The following YAF2 variants were observed in gnomAD, a reference collection of about 807,000 sequenced individuals.
YAF2 encodes YY1 associated factor 2, also known as YY1-associated factor 2.
YAF2 carries 7 observed loss-of-function variants against 20.1 expected under a neutral mutation model. The observed-to-expected ratio is 0.35, with a 90% CI of 0.20 to 0.65. The LOEUF (loss-of-function observed/expected upper bound fraction) is 0.65. YAF2 is among the 30% of genes least tolerant of loss of function. The probability of loss-of-function intolerance (pLI) is 0.69; values close to 1 mark genes in which losing one functional copy is unlikely to be tolerated. For missense variants in YAF2, 151 were observed against 219.2 expected (o/e 0.69, Z 1.96); for synonymous variants, 74 against 76.0 (o/e 0.97, Z 0.14).
chr12:42,164,027 T>C (rs2065857068), intron 2 of YAF2, among the ~76,000 whole-genome samples: 1 of 152,246 alleles, frequency 6.6e-6, no homozygotes, highest in Admixed American at 6.5e-5. Context: ...TTCACAGATT[T>C]ATCACTCATG....
At chr12:42,161,532 G>T in intron 3 of YAF2, 81 bp downstream of exon 3, 1 of 1,412,822 alleles carries the variant, frequency 7.1e-7, no homozygotes, top group Non-Finnish European at 9.4e-7. Context: ...CTTCCACTTT[G>T]TGTATATTAG....
intron 2 of YAF2, among the ~76,000 whole-genome samples, chr12:42,192,530 C>T (rs985730207): frequency 6.6e-6 from 1 of 152,190 alleles, no homozygotes; most frequent in Admixed American, 6.5e-5. Flanking sequence ...AACAAAACAA[C>T]ACAACCTGGA....
At chr12:42,176,882 G>A (rs146293543) in intron 2 of YAF2, among the ~76,000 whole-genome samples, 4,464 of 152,152 alleles carry the variant, frequency 0.029, 244 homozygotes, top group African/African-American at 0.1. Context: ...CAGGAGAATC[G>A]CTTGAACCCA....
chr12:42,237,359 C>T (rs2068199549), intron 2 of YAF2: 1 of 1,182,436 alleles, frequency 8.5e-7, no homozygotes, highest in Non-Finnish European at 1.1e-6. Flanking sequence ...GCTAATGCCT[C>T]CCTTAAATAA....
At chr12:42,182,132 G>A (rs540745200) in intron 2 of YAF2, among the ~76,000 whole-genome samples, 15 of 151,964 alleles carry the variant, frequency 9.9e-5, no homozygotes, top group Non-Finnish European at 2.2e-4. Context: ...AAAAAAGAAG[G>A]TTAAAACTAC....
At chr12:42,164,919 GAA>G (rs1428732487) in intron 2 of YAF2, among the ~76,000 whole-genome samples, 2 of 151,840 alleles carry the variant, frequency 1.3e-5, no homozygotes, top group African/African-American at 4.8e-5. Flanking sequence ...AAAAAATACA[GAA>G]ATTGGCCAGT....
intron 2 of YAF2, chr12:42,212,477 T>C (rs758511113): frequency 2.0e-5 from 9 of 448,310 alleles, no homozygotes; most frequent in South Asian, 1.4e-4. Context: ...ATTTCATGAT[T>C]CTTCATTCTA....
chr12:42,194,219 C>G (rs1271503422), intron 2 of YAF2, among the ~76,000 whole-genome samples: 1 of 152,082 alleles, frequency 6.6e-6, no homozygotes, highest in African/African-American at 2.4e-5. Context: ...CCTAAGTGTA[C>G]AGTGTTTATA....
In YAF2 at chr12:42,159,651, T is replaced by G. The variant is rs947208373; in HGVS notation, c.*938A>C. ...CCCATTTCTGTGCAATAATTCCCAT[T>G]TCTGTTTTAATTAGATTCATACTTC... On this transcript the variant is annotated 3_prime_UTR_variant, in exon 4 of 4. Coordinates refer to ENST00000534854, the MANE Select transcript of YAF2 (RefSeq NM_005748.6). 6.6e-6 allele frequency: 1 copy of G among 152,190 alleles called. No homozygotes were observed. Among genetic ancestry groups the G allele is most frequent in the Non-Finnish European group, 1.5e-5 (1 of 67,928 alleles). 9.4% of individuals were successfully genotyped at this position (152,190 alleles called of 1,614,324 possible).
chr12:42,176,969 A>G (rs2066211275), intron 2 of YAF2, among the ~76,000 whole-genome samples: 1 of 152,208 alleles, frequency 6.6e-6, no homozygotes, highest in South Asian at 2.1e-4. Flanking sequence ...CTCTGTCTCA[A>G]AAAATAAATA....
rs780563600 is a variant in YAF2, at chr12:42,238,143, G to T, written c.26+12C>A. On this transcript the variant is annotated intron_variant, in intron 1 of 3. Coordinates refer to ENST00000534854, the MANE Select transcript of YAF2 (RefSeq NM_005748.6). ...CCGCACAGTCCGGGCCCCGGGGCCC[G>T]GGCGCTGTTACCTGGTGGGGCTCTT... is the stretch of plus-strand genomic sequence containing the variant. 3.2e-6 allele frequency: 5 copies of T among 1,539,496 alleles called. No individual in the cohort carries two copies. Among genetic ancestry groups the T allele is most frequent in the Non-Finnish European group, 4.4e-6 (5 of 1,144,822 alleles).
At chr12:42,216,879 T>A (rs966628855) in intron 2 of YAF2, among the ~76,000 whole-genome samples, 1 of 152,196 alleles carries the variant, frequency 6.6e-6, no homozygotes, top group East Asian at 1.9e-4. Context: ...TAAGCCAGAA[T>A]CCTGAGATTC....
intron 2 of YAF2, among the ~76,000 whole-genome samples, chr12:42,165,061 C>CAAAAAA (rs78729667): frequency 1.2e-4 from 8 of 64,536 alleles, no homozygotes; most frequent in Non-Finnish European, 1.6e-4. Flanking sequence ...TCTTCTGGAA[C>CAAAAAA]AAAAAAAAAA....
At chr12:42,227,787 G>A (rs1280704230) in intron 2 of YAF2, among the ~76,000 whole-genome samples, 64 of 148,890 alleles carry the variant, frequency 4.3e-4, no homozygotes, top group Non-Finnish European at 8.5e-4. Context: ...TGCTGTCCGG[G>A]AGGGAGGTGG....
chr12:42,210,104 AT>A lies in YAF2; in HGVS notation c.152+27494del, dbSNP rs201251505. 1.2e-3 allele frequency among the ~76,000 whole-genome samples: 186 copies of A among 152,264 alleles called. 1 individual carries two copies. The East Asian group carries it at 0.014, about 11-fold the overall frequency. On this transcript the variant is annotated intron_variant, in intron 2 of 3. Transcript: ENST00000534854. ...TGAGTCAGCAAGCCCGGCCAACTAA[AT>A]GTATAATTTTTTAGAAGCAGCTATT... is the stretch of plus-strand genomic sequence containing the variant.
intron 2 of YAF2, among the ~76,000 whole-genome samples, chr12:42,172,384 A>G (rs2066071881): frequency 6.6e-6 from 1 of 152,246 alleles, no homozygotes; most frequent in Non-Finnish European, 1.5e-5. Flanking sequence ...CAATGACAGC[A>G]TGTACCATCA....
At position 42,237,659 on chromosome 12, in the gene YAF2, C is replaced by T. The variant is rs763262003; in HGVS notation, c.92G>A (p.Arg31Gln). 6.3e-7 allele frequency: 1 copy of T among 1,586,504 alleles called. No homozygotes were observed. Among genetic ancestry groups the T allele is most frequent in the East Asian group, 2.3e-5 (1 of 42,678 alleles). Reference sequence around the variant, plus strand: ...GCACTTGAAGGCCTCGGCGCTGTTCCGGAAGGTGCAGACGCTACAGTCCCA... The same window carrying T: ...GCACTTGAAGGCCTCGGCGCTGTTCTGGAAGGTGCAGACGCTACAGTCCCA... Reference protein sequence around the residue: ...GYWDCSVCTFRNSAEAFKCMM... With the variant: ...GYWDCSVCTFQNSAEAFKCMM... Residue 31 changes from arginine to glutamine, a missense_variant, in exon 2 of 4, where the codon CGG (arginine) becomes CAG (glutamine). Physicochemically the swap from Arg to Gln is conservative, Grantham distance 43. Around this residue, in one of 3 missense-constraint regions of YAF2, gnomAD observed 50 missense variants for 58.3 expected, o/e 0.86. Coordinates refer to ENST00000534854, the MANE Select transcript of YAF2 (RefSeq NM_005748.6).
intron 2 of YAF2, among the ~76,000 whole-genome samples, chr12:42,174,739 C>T (rs1411662269): frequency 1.3e-5 from 2 of 152,060 alleles, no homozygotes; most frequent in Non-Finnish European, 2.9e-5. Context: ...GGTTTTCGAC[C>T]CTGGCTCCAC....
At chr12:42,176,470 A>C (rs1405383539) in intron 2 of YAF2, among the ~76,000 whole-genome samples, 1 of 152,032 alleles carries the variant, frequency 6.6e-6, no homozygotes, top group African/African-American at 2.4e-5. Context: ...AATCTTCAAC[A>C]ATCTTTTTAT....
Sources: allele counts gnomAD v4.1 joint callset (sites outside exome capture counted in the v4.1 genomes callset), GRCh38; gene constraint gnomAD v4.1.1; regional missense constraint gnomAD v4.1.1; transcripts MANE v1.5; gene names NCBI Gene and HGNC (gene_info 2026-07-23, HGNC 2026-07-21).